The following DAB2IP variants were observed in gnomAD, a reference collection of about 807,000 sequenced individuals.
DAB2IP encodes disabled homolog 2-interacting protein.
DAB2IP carries 28 observed loss-of-function variants against 107.2 expected under a neutral mutation model. The ratio of observed to expected loss-of-function variants is 0.26; its 90% CI spans 0.19 to 0.36. The LOEUF (loss-of-function observed/expected upper bound fraction) is 0.36, where lower values mean the gene tolerates loss of function less well. Among genes scored for constraint, DAB2IP ranks in the 10% least tolerant of loss-of-function variants. DAB2IP has a pLI of 1.00. For missense variants in DAB2IP, 1,400 were observed against 1,644.7 expected, an observed-to-expected ratio of 0.85 and a Z score of 2.57; for synonymous variants, 755 against 706.4, an observed-to-expected ratio of 1.07 and a Z score of -1.09.
chr9:121,685,108 G>C (rs1333654529), intron 2 of DAB2IP, among the ~76,000 whole-genome samples: 1 of 152,144 alleles, frequency 6.6e-6, no homozygotes, highest in Non-Finnish European at 1.5e-5. Flanking sequence ...GCGGATGGGC[G>C]GGGTGGTGGA....
intron 2 of DAB2IP, among the ~76,000 whole-genome samples, chr9:121,694,748 G>T (rs1040107742): frequency 6.6e-6 from 1 of 152,148 alleles, no homozygotes; most frequent in Non-Finnish European, 1.5e-5. Flanking sequence ...GCATAGGAAG[G>T]GTGTCCAGAT....
rs116528801 is a variant in DAB2IP, at chr9:121,590,216, C to T, written c.40+22988C>T. 3.6e-3 allele frequency among the ~76,000 whole-genome samples: 548 copies of T among 150,728 alleles called. 4 individuals carry two copies. Among genetic ancestry groups the T allele is most frequent in the African/African-American group, 0.013 (525 of 40,988 alleles). On this transcript the variant is annotated intron_variant, in intron 1 of 16. Transcript: ENST00000259371. Reference sequence around the variant, plus strand: ...AAGTGAGGTCTGTGCATTTCCACTACTTATGCTCCGTGACCGTCATGCCCC... The same window carrying T: ...AAGTGAGGTCTGTGCATTTCCACTATTTATGCTCCGTGACCGTCATGCCCC...
rs113318053 is a variant in DAB2IP at position 121,584,810 on chromosome 9, T to C, written c.40+17582T>C. Among the ~76,000 whole-genome samples, 1,338 of 152,250 alleles carry C rather than the reference T, an allele frequency of 8.8e-3. 22 individuals carry two copies. Among genetic ancestry groups the C allele is most frequent in the African/African-American group, 0.029 (1,221 of 41,546 alleles). On this transcript the variant is annotated intron_variant, in intron 1 of 16. Coordinates refer to the DAB2IP transcript ENST00000259371. ...CACCGTGCACTTAGTTAATTAATGA[T>C]AGCTAGGCTGCTGCCAAAGCCATTC... is the stretch of plus-strand genomic sequence containing the variant.
At chr9:121,758,847 C>T in intron 4 of DAB2IP, 51 bp from the exon 5 acceptor site, 1 of 1,539,138 alleles carries the variant, frequency 6.5e-7, no homozygotes, top group South Asian at 1.2e-5. Context: ...TCACTGCCTG[C>T]CCTTGCTGTG....
Position 121,651,741 on chromosome 9 carries a change from GC to G in DAB2IP, c.-32del. On this transcript the variant is annotated 5_prime_UTR_variant, in exon 1 of 16. Coordinates refer to ENST00000408936, the Ensembl canonical transcript of DAB2IP. The surrounding 1 kb of genome is among the most constrained non-coding windows in gnomAD (Gnocchi z 5.1). Reference sequence around the variant, plus strand: ...CGGCCGATGGGGCCCGTGTGAGCGCGCCCAGGCCCGGCCCGGTGCCCGGCGG... The same window carrying G: ...CGGCCGATGGGGCCCGTGTGAGCGCGCCAGGCCCGGCCCGGTGCCCGGCGG... 1 of 1,256,542 alleles carries G rather than the reference GC, an allele frequency of 8.0e-7. No homozygotes were observed. The highest frequency in any genetic ancestry group is 1.0e-6 in the Non-Finnish European group (1 of 997,342). 77.8% of individuals were successfully genotyped at this position (1,256,542 alleles called of 1,614,324 possible).
At chr9:121,775,735 G>A (rs1835155786) in intron 13 of DAB2IP, among the ~76,000 whole-genome samples, 1 of 152,174 alleles carries the variant, frequency 6.6e-6, no homozygotes, top group African/African-American at 2.4e-5. Flanking sequence ...AACAGAGGCT[G>A]GGAAGCTGGG....
Position 121,730,539 on chromosome 9 carries a change from C to G in DAB2IP, c.363-26474C>G, listed in dbSNP as rs964134520. 3.9e-5 allele frequency among the ~76,000 whole-genome samples: 6 copies of G among 152,338 alleles called. No individual in the cohort carries two copies. In the South Asian group the frequency reaches 1.2e-3, roughly 32 times the overall value. Reference sequence around the variant, plus strand: ...GGCTGCAGGGGCAGGGTCCCTGGGCCAGTGTGGGTCCAGGCTCCGTAACTG... The same window carrying G: ...GGCTGCAGGGGCAGGGTCCCTGGGCGAGTGTGGGTCCAGGCTCCGTAACTG... On this transcript the variant is annotated intron_variant, in intron 3 of 15. Coordinates refer to ENST00000408936, the Ensembl canonical transcript of DAB2IP.
chr9:121,766,538 A>G (rs752540354), exon 9 of DAB2IP: 1 of 1,612,230 alleles, frequency 6.2e-7, no homozygotes, highest in Admixed American at 1.7e-5. Context: ...TCGTGGAGGC[A>G]GGAGTGCAGC....
intron 1 of DAB2IP, among the ~76,000 whole-genome samples, chr9:121,670,318 A>G (rs1833624905): frequency 6.6e-6 from 1 of 152,254 alleles, no homozygotes; most frequent in Non-Finnish European, 1.5e-5. Flanking sequence ...GACTGCTGTA[A>G]CAAGTTAAAA....
chr9:121,644,307 G>A (rs1832462855), intron 1 of DAB2IP, among the ~76,000 whole-genome samples: 1 of 151,790 alleles, frequency 6.6e-6, no homozygotes, highest in Non-Finnish European at 1.5e-5. Context: ...GAAAAGAAAG[G>A]AAAGAAAGGC....
intron 3 of DAB2IP, among the ~76,000 whole-genome samples, chr9:121,706,897 A>G (rs182884744): frequency 6.6e-6 from 1 of 152,218 alleles, no homozygotes; most frequent in East Asian, 1.9e-4. Context: ...ATGGGGTGAA[A>G]ACCTACGGGA....
At chr9:121,593,663 C>CT (rs1450077215) in intron 1 of DAB2IP, among the ~76,000 whole-genome samples, 10 of 77,000 alleles carry the variant, frequency 1.3e-4, no homozygotes, top group Non-Finnish European at 1.8e-4. Flanking sequence ...TTTCTTTTTT[C>CT]TTTTTTTTTC....
chr9:121,636,160 G>A (rs556644478), intron 1 of DAB2IP, among the ~76,000 whole-genome samples: 14 of 152,024 alleles, frequency 9.2e-5, no homozygotes, highest in Admixed American at 4.6e-4. Flanking sequence ...CACCTGCCTC[G>A]GCCTCCCAAA....
At chr9:121,720,030 A>C (rs1485345620) in intron 3 of DAB2IP, among the ~76,000 whole-genome samples, 2 of 152,200 alleles carry the variant, frequency 1.3e-5, no homozygotes, top group East Asian at 3.8e-4. Context: ...ATTGTTCACC[A>C]AGCCTGGCAA....
intron 10 of DAB2IP, among the ~76,000 whole-genome samples, chr9:121,769,723 C>G (rs1393003999): frequency 6.6e-6 from 1 of 152,212 alleles, no homozygotes; most frequent in Non-Finnish European, 1.5e-5. Flanking sequence ...TCCACCTGTT[C>G]CAGTCCCTGC....
chr9:121,747,562 T>TGGTCTC (rs1387346455), intron 3 of DAB2IP, among the ~76,000 whole-genome samples: 2 of 152,098 alleles, frequency 1.3e-5, no homozygotes, highest in Non-Finnish European at 2.9e-5. Flanking sequence ...TTAGCCAGGA[T>TGGTCTC]GGTCTCGATC....
chr9:121,680,882 A>G (rs1828560154), intron 2 of DAB2IP, among the ~76,000 whole-genome samples: 1 of 151,628 alleles, frequency 6.6e-6, no homozygotes, highest in African/African-American at 2.4e-5. Flanking sequence ...AGCTGGGATT[A>G]CAGGAGCCTG....
At position 121,772,846 on chromosome 9, in the gene DAB2IP, A is replaced by G. The variant is rs553741197; in HGVS notation, c.2318A>G (p.Asp773Gly). The G allele has an allele frequency of 1.2e-6, 2 of 1,601,084 alleles. No individual in the cohort carries two copies. Among genetic ancestry groups the G allele is most frequent in the East Asian group, 2.2e-5 (1 of 44,698 alleles). ...GCGGGCCCCGACGTCCTCCCCACAG[A>G]TGGGCAGGCCGCTGCAGCTCAGCTG... Residue 773 changes from aspartate (D) to glycine (G), a missense_variant, in exon 12 of 16, where the codon GAT (aspartate) becomes GGT (glycine). By Grantham distance (94) the Asp-to-Gly change is moderately conservative (BLOSUM62 -1). Transcript: ENST00000408936. This position sits in a 1 kb window ranked among gnomAD's most constrained non-coding sequence, Gnocchi z 4.7.
intron 1 of DAB2IP, among the ~76,000 whole-genome samples, chr9:121,642,614 T>C (rs1346161398): frequency 9.1e-6 from 1 of 110,230 alleles, no homozygotes; most frequent in Non-Finnish European, 1.8e-5. Flanking sequence ...TTCTTTTCTA[T>C]TAAAAAAAAA....
Sources: gnomAD v4.1 joint callset for allele counts (sites outside exome capture counted in the v4.1 genomes callset) on GRCh38, gnomAD v4.1.1 for gene constraint, Gnocchi (gnomAD v3.1) non-coding constraint, MANE v1.5 for transcripts, NCBI Gene and HGNC (gene_info 2026-07-23, HGNC 2026-07-21) for gene names.